The following FAM227B variants were observed in gnomAD, a reference collection of about 807,000 sequenced individuals.
FAM227B encodes family with sequence similarity 227 member B.
Under a neutral mutation model 73.8 loss-of-function variants are expected in FAM227B, and 88 were observed. That is an observed-to-expected ratio of 1.19 (90% CI 1.00 to 1.42). The LOEUF (loss-of-function observed/expected upper bound fraction) is 1.42, where lower values mean the gene tolerates loss of function less well. Among genes scored for constraint, FAM227B ranks in the 40% most tolerant of loss-of-function variants. The pLI, the probability that FAM227B is intolerant of heterozygous loss-of-function variation, is 0.00. For synonymous variants in FAM227B, 210 were observed against 190.5 expected (o/e 1.10, Z -0.84); for missense variants, 632 against 590.9 (o/e 1.07, Z -0.72).
chr15:49,353,152 C>G (rs944151358), intron 13 of FAM227B, among the ~76,000 whole-genome samples: 1 of 152,156 alleles, frequency 6.6e-6, no homozygotes, highest in Non-Finnish European at 1.5e-5. Flanking sequence ...TGTGGAAAGT[C>G]AAATTCCTCC....
chr15:49,550,659 G>A (rs1446272824), intron 9 of FAM227B, among the ~76,000 whole-genome samples: 1 of 151,894 alleles, frequency 6.6e-6, no homozygotes, highest in African/African-American at 2.4e-5. Flanking sequence ...GCGGGGCAGA[G>A]GCTCTCCCCA....
At chr15:49,470,342 G>T (rs1023511864) in intron 11 of FAM227B, among the ~76,000 whole-genome samples, 3 of 152,000 alleles carry the variant, frequency 2.0e-5, no homozygotes, top group Non-Finnish European at 4.4e-5. Context: ...ATTTTTTGGT[G>T]CTGAGCAAAT....
intron 3 of FAM227B, among the ~76,000 whole-genome samples, chr15:49,594,278 CT>C (rs374484797): frequency 2.6e-5 from 4 of 151,662 alleles, no homozygotes; most frequent in East Asian, 1.9e-4. Context: ...GGAATTATTT[CT>C]TTTTTTTCTT....
chr15:49,365,029 A>G (rs2044883471), intron 13 of FAM227B: 2 of 509,418 alleles, frequency 3.9e-6, no homozygotes, highest in African/African-American at 3.8e-5. Flanking sequence ...CATATCATTG[A>G]AGACTTTCAG....
intron 11 of FAM227B, among the ~76,000 whole-genome samples, chr15:49,450,304 T>C (rs1265858056): frequency 1.3e-5 from 2 of 152,132 alleles, no homozygotes; most frequent in African/African-American, 4.8e-5. Context: ...AAGATAACTC[T>C]TTCTTCCAAA....
At chr15:49,451,450 T>G (rs2052731582) in intron 11 of FAM227B, among the ~76,000 whole-genome samples, 1 of 152,232 alleles carries the variant, frequency 6.6e-6, no homozygotes, top group East Asian at 1.9e-4. Flanking sequence ...CAGACATATA[T>G]GTATATATGT....
intron 11 of FAM227B, among the ~76,000 whole-genome samples, chr15:49,481,376 T>A: frequency 6.6e-6 from 1 of 152,238 alleles, no homozygotes; most frequent in East Asian, 1.9e-4. Flanking sequence ...CCTAATAGTA[T>A]TCTTCTGCAT....
intron 11 of FAM227B, among the ~76,000 whole-genome samples, chr15:49,503,144 T>C (rs2058286363): frequency 6.6e-6 from 1 of 152,176 alleles, no homozygotes; most frequent in Admixed American, 6.5e-5. Flanking sequence ...ATCTGATCTT[T>C]GACAAACCTG....
chr15:49,328,723 T>C, intron 15 of FAM227B, 48 bp from the exon 16 acceptor site: 1 of 1,523,556 alleles, frequency 6.6e-7, no homozygotes, highest in Non-Finnish European at 8.8e-7. Flanking sequence ...TCTTGGACAT[T>C]GTATAATTGA....
chr15:49,482,454 C>T (rs1393895598), intron 11 of FAM227B, among the ~76,000 whole-genome samples: 1 of 151,996 alleles, frequency 6.6e-6, no homozygotes, highest in Non-Finnish European at 1.5e-5. Flanking sequence ...TATCAAAATA[C>T]TATCAGTTTA....
intron 15 of FAM227B, chr15:49,329,601 C>A: frequency 1.0e-6 from 1 of 984,600 alleles, no homozygotes; most frequent in Non-Finnish European, 1.2e-6. Context: ...AAATAAACTT[C>A]TGATGCATTT....
chr15:49,476,228 T>C (rs992049332), intron 11 of FAM227B, among the ~76,000 whole-genome samples: 6 of 108,996 alleles, frequency 5.5e-5, no homozygotes, highest in Non-Finnish European at 1.2e-4. Context: ...TTTTTTTGTT[T>C]TTGGTTTTTT....
chr15:49,584,052 A>G (rs2075991351), intron 5 of FAM227B, among the ~76,000 whole-genome samples: 1 of 152,092 alleles, frequency 6.6e-6, no homozygotes, highest in Admixed American at 6.6e-5. Context: ...GGGCAGAGAT[A>G]ACAACAAAAA....
At chr15:49,423,717 A>G (rs1328794280) in intron 11 of FAM227B, among the ~76,000 whole-genome samples, 1 of 152,184 alleles carries the variant, frequency 6.6e-6, no homozygotes, top group East Asian at 1.9e-4. Flanking sequence ...AAGCAGTTAC[A>G]CTTTGTTAGC....
At position 49,513,791 on chromosome 15, in the gene FAM227B, G is replaced by A. The variant is rs372320990; in HGVS notation, c.875-5443C>T. Among the ~76,000 whole-genome samples, 5 of 152,180 alleles carry A rather than the reference G, an allele frequency of 3.3e-5. No individual in the cohort carries two copies. The East Asian group carries it at 7.7e-4, about 23-fold the overall frequency. ...ATTTTTATATAAGGTATAAGGAAGG[G>A]GTCCAGTTTTAGTTTTCTGCATATG... On this transcript the variant is annotated intron_variant, in intron 10 of 15. Coordinates refer to ENST00000299338, the MANE Select transcript of FAM227B (RefSeq NM_152647.3).
At chr15:49,588,587 AT>A (rs2152404629) in intron 4 of FAM227B, among the ~76,000 whole-genome samples, 2 of 107,828 alleles carry the variant, frequency 1.9e-5, no homozygotes, top group African/African-American at 3.1e-5. Context: ...ATATATATAT[AT>A]ATATATATAT....
intron 11 of FAM227B, among the ~76,000 whole-genome samples, chr15:49,378,836 T>C (rs1309341745): frequency 6.6e-6 from 1 of 152,198 alleles, no homozygotes; most frequent in Non-Finnish European, 1.5e-5. Context: ...TCCAGTACTA[T>C]GTTGAATAAC....
chr15:49,458,417 A>G (rs1477569886), intron 11 of FAM227B, among the ~76,000 whole-genome samples: 1 of 152,058 alleles, frequency 6.6e-6, no homozygotes, highest in Non-Finnish European at 1.5e-5. Context: ...TGTGTTTCTA[A>G]TTAATTCTCA....
intron 14 of FAM227B, among the ~76,000 whole-genome samples, chr15:49,333,310 T>C (rs1051456986): frequency 1.3e-5 from 2 of 152,202 alleles, no homozygotes; most frequent in Non-Finnish European, 2.9e-5. Context: ...AGATTACAAA[T>C]GGAAGCTCAT....
Sources: allele counts gnomAD v4.1 joint callset (sites outside exome capture counted in the v4.1 genomes callset), GRCh38; gene constraint gnomAD v4.1.1; transcripts MANE v1.5; gene names NCBI Gene and HGNC (gene_info 2026-07-23, HGNC 2026-07-21).